Variants in FOXP2 observed in about 807,000 individuals in gnomAD.
FOXP2 encodes forkhead box P2.
A neutral mutation model predicts 115.8 loss-of-function variants in FOXP2; 12 were observed. The ratio of observed to expected loss-of-function variants is 0.10; its 90% CI spans 0.07 to 0.17. The LOEUF is 0.17. Among genes scored for constraint, FOXP2 ranks in the 10% least tolerant of loss-of-function variants. The probability of loss-of-function intolerance (pLI) is 1.00; values close to 1 mark genes in which losing one functional copy is unlikely to be tolerated. For missense variants in FOXP2, 629 were observed against 843.5 expected, an observed-to-expected ratio of 0.75 and a Z score of 3.15; for synonymous variants, 328 against 297.7, an observed-to-expected ratio of 1.10 and a Z score of -1.05.
rs148160699 is a variant in FOXP2 at position 114,231,049 on chromosome 7, G to A, written c.-101-56970G>A. On this transcript the variant is annotated intron_variant, in intron 1 of 17. Transcript: ENST00000634411. ...ATAAATGAATTCAGCAAATTTGCAG[G>A]ATACGATATCAACATACAAAAATTC... Among the ~76,000 whole-genome samples the A allele has an allele frequency of 1.2e-3, 183 of 151,212 alleles. 2 individuals are homozygous for A. Among genetic ancestry groups the A allele is most frequent in the Middle Eastern group, 3.4e-3 (1 of 292 alleles).
At chr7:114,243,172 T>G (rs1364340638) in intron 1 of FOXP2, among the ~76,000 whole-genome samples, 1 of 151,082 alleles carries the variant, frequency 6.6e-6, no homozygotes, top group Non-Finnish European at 1.5e-5. Context: ...TTATTGGGTC[T>G]GAAGGCTTTG....
intron 1 of FOXP2, among the ~76,000 whole-genome samples, chr7:114,102,542 T>G (rs1791000308): frequency 6.6e-6 from 1 of 151,914 alleles, no homozygotes; most frequent in Admixed American, 6.6e-5. Flanking sequence ...TTCCTATAAT[T>G]TTCATATTTA....
intron 3 of FOXP2, among the ~76,000 whole-genome samples, chr7:114,614,987 G>A (rs757319338): frequency 6.6e-6 from 1 of 152,104 alleles, no homozygotes; most frequent in Admixed American, 6.5e-5. Flanking sequence ...TTAGGAGGCC[G>A]AGGCGGGCGG....
intron 2 of FOXP2, among the ~76,000 whole-genome samples, chr7:114,366,192 T>C (rs765051020): frequency 1.3e-5 from 2 of 152,104 alleles, no homozygotes; most frequent in Non-Finnish European, 2.9e-5. Flanking sequence ...GTGGATTTGG[T>C]CTATAGCCAC....
intron 2 of FOXP2, among the ~76,000 whole-genome samples, chr7:114,349,565 C>T (rs1791429547): frequency 6.6e-6 from 1 of 151,814 alleles, no homozygotes; most frequent in East Asian, 1.9e-4. Context: ...TTAAAATATC[C>T]TAAAACTGTT....
At chr7:114,607,743 T>G (rs1803406922) in intron 3 of FOXP2, among the ~76,000 whole-genome samples, 1 of 152,158 alleles carries the variant, frequency 6.6e-6, no homozygotes, top group African/African-American at 2.4e-5. Context: ...AGACATTTCT[T>G]GATCAAATGT....
intron 2 of FOXP2, among the ~76,000 whole-genome samples, chr7:114,452,075 A>G (rs1039490220): frequency 1.3e-5 from 2 of 151,926 alleles, no homozygotes; most frequent in East Asian, 3.9e-4. Context: ...TATTCTCTCT[A>G]TATATTCAAA....
At chr7:114,632,044 G>A (rs1804951787) in intron 6 of FOXP2, among the ~76,000 whole-genome samples, 2 of 152,206 alleles carry the variant, frequency 1.3e-5, no homozygotes, top group Admixed American at 1.3e-4. Flanking sequence ...CGGGAAGGCT[G>A]ACAGCAGTCC....
Position 114,220,661 on chromosome 7 carries a change from A to G in FOXP2, c.-102+57573A>G, listed in dbSNP as rs1794597959. Among the ~76,000 whole-genome samples, 3 of 152,168 alleles carry G rather than the reference A, an allele frequency of 2.0e-5. No homozygotes were observed. In the South Asian group the frequency reaches 6.2e-4, roughly 32 times the overall value. Reference sequence around the variant, plus strand: ...TGCTTAGGAGAAGAGTGGAAGGGAAAAAACGGCATGTCAGACTTTCCTATT... The same window carrying G: ...TGCTTAGGAGAAGAGTGGAAGGGAAGAAACGGCATGTCAGACTTTCCTATT... On this transcript the variant is annotated intron_variant, in intron 1 of 17. Coordinates refer to the FOXP2 transcript ENST00000634411.
intron 2 of FOXP2, among the ~76,000 whole-genome samples, chr7:114,369,815 C>T (rs918110470): frequency 2.6e-5 from 4 of 151,876 alleles, no homozygotes; most frequent in East Asian, 1.9e-4. Context: ...TATGCTTAAT[C>T]GAGTTCCTTC....
chr7:114,481,853 C>T (rs1194842553), intron 2 of FOXP2, among the ~76,000 whole-genome samples: 2 of 150,564 alleles, frequency 1.3e-5, no homozygotes, highest in Non-Finnish European at 3.0e-5. Flanking sequence ...AGTTGTAACC[C>T]GGTAAATAGA....
At chr7:114,673,965 G>A (rs1807628887) in intron 16 of FOXP2, among the ~76,000 whole-genome samples, 2 of 152,290 alleles carry the variant, frequency 1.3e-5, no homozygotes, top group Admixed American at 1.3e-4. Flanking sequence ...ACCTCCCAAA[G>A]TGTTGGGATT....
chr7:114,591,906 A>C (rs1014168195), intron 3 of FOXP2, among the ~76,000 whole-genome samples: 1 of 152,062 alleles, frequency 6.6e-6, no homozygotes, highest in Non-Finnish European at 1.5e-5. Flanking sequence ...ATATGTGGCT[A>C]TTGGGCACTT....
In FOXP2 at chr7:114,118,459, CTT is replaced by C. The variant is rs77145524; in HGVS notation, c.-247+30633_-247+30634del. On this transcript the variant is annotated intron_variant, in intron 1 of 19. Transcript: ENST00000635638. ...CTAGAGGTTTTTTTTGGATACCCCC[CTT>C]TTTTTTTTTTTACCTAATCAGAGTC... 2.7e-4 allele frequency among the ~76,000 whole-genome samples: 39 copies of C among 142,300 alleles called. 1 individual carries two copies. Among genetic ancestry groups the C allele is most frequent in the Admixed American group, 3.5e-4 (5 of 14,206 alleles). 93.4% of individuals were successfully genotyped at this position (142,300 alleles called of 152,430 possible). A position where few individuals can be genotyped will look rare whatever the true frequency, so the allele number is the denominator to read the frequency against.
At chr7:114,287,266 A>T (rs1379799311) in intron 1 of FOXP2, among the ~76,000 whole-genome samples, 2 of 151,934 alleles carry the variant, frequency 1.3e-5, no homozygotes, top group Non-Finnish European at 1.5e-5. Flanking sequence ...GAAAAAAAAA[A>T]CTGCAAAAAG....
intron 3 of FOXP2, among the ~76,000 whole-genome samples, chr7:114,612,906 A>G (rs796587154): frequency 6.6e-6 from 1 of 152,162 alleles, no homozygotes; most frequent in Non-Finnish European, 1.5e-5. Context: ...CTCTTCCTAT[A>G]TATAATACCA....
At chr7:114,321,866 A>C (rs1335581769) in intron 2 of FOXP2, among the ~76,000 whole-genome samples, 1 of 152,156 alleles carries the variant, frequency 6.6e-6, no homozygotes, top group Non-Finnish European at 1.5e-5. Context: ...TATATGAGAA[A>C]GCTTAGACTA....
At chr7:114,609,127 C>T (rs889556565) in intron 3 of FOXP2, among the ~76,000 whole-genome samples, 3 of 151,584 alleles carry the variant, frequency 2.0e-5, no homozygotes, top group East Asian at 1.9e-4. Flanking sequence ...GCAAGAGAAT[C>T]GCTTGAACCC....
intron 2 of FOXP2, among the ~76,000 whole-genome samples, chr7:114,462,672 C>G (rs1397097795): frequency 2.6e-5 from 4 of 152,082 alleles, no homozygotes; most frequent in Non-Finnish European, 5.9e-5. Context: ...CGCCCGGCTT[C>G]TCAGCATAGT....
Sources: allele counts gnomAD v4.1 joint callset (sites outside exome capture counted in the v4.1 genomes callset), GRCh38; gene constraint gnomAD v4.1.1; transcripts MANE v1.5; gene names NCBI Gene and HGNC (gene_info 2026-07-23, HGNC 2026-07-21).